Variants in C8orf34 observed in about 807,000 individuals in gnomAD.
The protein encoded by C8orf34 is chromosome 8 open reading frame 34, also known as uncharacterized protein C8orf34.
In C8orf34, 65 loss-of-function variants were observed where a neutral mutation model predicts 68.3. The ratio of observed to expected loss-of-function variants is 0.95; its 90% CI spans 0.78 to 1.17. The LOEUF is 1.17. Ranked by LOEUF, C8orf34 falls within the 50% of genes most tolerant of loss-of-function variation. The pLI, the probability that C8orf34 is intolerant of heterozygous loss-of-function variation, is 0.00. For synonymous variants in C8orf34, 244 were observed against 241.2 expected, an observed-to-expected ratio of 1.01 and a Z score of -0.11; for missense variants, 664 against 655.4, an observed-to-expected ratio of 1.01 and a Z score of -0.14.
intron 7 of C8orf34, among the ~76,000 whole-genome samples, chr8:68,640,045 G>C (rs1818958706): frequency 6.6e-6 from 1 of 152,182 alleles, no homozygotes; most frequent in Non-Finnish European, 1.5e-5. Flanking sequence ...TGACCATTTA[G>C]GGCTGATTGC....
At chr8:68,522,079 T>C in intron 6 of C8orf34, 108 bp downstream of exon 6, 1 of 1,003,004 alleles carries the variant, frequency 1.0e-6, no homozygotes, top group Non-Finnish European at 1.4e-6. Flanking sequence ...TAATTTTTTA[T>C]AGAAAATTAT....
intron 10 of C8orf34, among the ~76,000 whole-genome samples, chr8:68,756,546 T>A (rs934603434): frequency 1.3e-5 from 2 of 151,970 alleles, no homozygotes; most frequent in Non-Finnish European, 2.9e-5. Context: ...ACTTTAAGGA[T>A]GGAAAGGAGG....
intron 5 of C8orf34, among the ~76,000 whole-genome samples, chr8:68,518,633 C>T (rs1214511678): frequency 6.6e-6 from 1 of 152,062 alleles, no homozygotes; most frequent in Non-Finnish European, 1.5e-5. Flanking sequence ...TGCGGTGGTT[C>T]ATGAATGTAA....
At position 68,520,513 on chromosome 8, in the gene C8orf34, C is replaced by T. The variant is rs971853379; in HGVS notation, c.766-1286C>T. ...TTGCCCAGGCTGGAGTGCAGTGGCA[C>T]GATCTCGGCTCACTGCAAGCTCCAC... On this transcript the variant is annotated intron_variant, in intron 5 of 13. Coordinates refer to ENST00000518698, the MANE Select transcript of C8orf34 (RefSeq NM_052958.4). 5.9e-5 allele frequency among the ~76,000 whole-genome samples: 9 copies of T among 152,044 alleles called. No homozygotes were observed. The East Asian group carries it at 1.2e-3, about 20-fold the overall frequency.
intron 1 of C8orf34, among the ~76,000 whole-genome samples, chr8:68,391,279 A>G (rs1318367597): frequency 6.6e-6 from 1 of 152,180 alleles, no homozygotes; most frequent in East Asian, 1.9e-4. Flanking sequence ...ACAGTAACTT[A>G]CACAAGCCCA....
chr8:68,817,478 T>A (rs1391987542), intron 13 of C8orf34, among the ~76,000 whole-genome samples: 1 of 152,136 alleles, frequency 6.6e-6, no homozygotes, highest in African/African-American at 2.4e-5. Flanking sequence ...ATCAAATAAA[T>A]ATTTCCGAAG....
At chr8:68,398,862 C>G (rs1351691958) in intron 1 of C8orf34, among the ~76,000 whole-genome samples, 1 of 152,148 alleles carries the variant, frequency 6.6e-6, no homozygotes, top group East Asian at 1.9e-4. Context: ...CAGTGTCTTA[C>G]TCAGCAACTC....
intron 7 of C8orf34, among the ~76,000 whole-genome samples, chr8:68,546,081 G>A (rs10086254): frequency 0.57 from 86,802 of 151,688 alleles, 25,534 homozygotes; most frequent in African/African-American, 0.72. Flanking sequence ...GTTAAAAAAA[G>A]TACAAAGAGT....
chr8:68,743,789 C>CG (rs1239483445), intron 10 of C8orf34, among the ~76,000 whole-genome samples: 5 of 152,138 alleles, frequency 3.3e-5, no homozygotes, highest in African/African-American at 1.2e-4. Context: ...AACTGCAAGG[C>CG]GGCAGCAAGG....
intron 9 of C8orf34, among the ~76,000 whole-genome samples, chr8:68,720,656 C>T (rs937560275): frequency 1.3e-5 from 2 of 151,666 alleles, no homozygotes; most frequent in Admixed American, 6.6e-5. Flanking sequence ...CAACATTCTT[C>T]AGCACAGATT....
At chr8:68,574,960 T>C (rs1300003351) in intron 7 of C8orf34, among the ~76,000 whole-genome samples, 2 of 151,966 alleles carry the variant, frequency 1.3e-5, no homozygotes, top group Non-Finnish European at 2.9e-5. Context: ...CTTTCATATG[T>C]ATAGAAATAA....
chr8:68,600,271 A>T (rs553033244), intron 7 of C8orf34, among the ~76,000 whole-genome samples: 1 of 152,202 alleles, frequency 6.6e-6, no homozygotes, highest in East Asian at 1.9e-4. Context: ...TATCCTTTCA[A>T]CCTTTAAAAT....
Position 68,331,272 on chromosome 8 carries a change from T to A in C8orf34, c.260T>A (p.Met87Lys), listed in dbSNP as rs1351349857. ...TCTTCGCGGTCCCATCTGTTCCCCA[T>A]GGCGTCTCATCCGCAAACCCGGATC... is the stretch of plus-strand genomic sequence containing the variant. ...ALSSRSHLFP[M>K]ASHPQTRIQA... Residue 87 changes from methionine to lysine, a missense_variant, in exon 1 of 14, where the codon ATG becomes AAG. Transcript: ENST00000518698. The A allele has an allele frequency of 1.3e-6, 2 of 1,536,394 alleles. No individual in the cohort carries two copies. The highest frequency in any genetic ancestry group is 2.0e-5 in the Admixed American group (1 of 50,998).
chr8:68,644,923 G>A (rs1487810007), intron 8 of C8orf34, among the ~76,000 whole-genome samples: 1 of 152,178 alleles, frequency 6.6e-6, no homozygotes, highest in Non-Finnish European at 1.5e-5. Context: ...CAGATGAGAG[G>A]AGAATGCAGA....
At chr8:68,612,028 A>G (rs1818038576) in intron 7 of C8orf34, among the ~76,000 whole-genome samples, 1 of 152,124 alleles carries the variant, frequency 6.6e-6, no homozygotes, top group Non-Finnish European at 1.5e-5. Context: ...CAAACTTGTG[A>G]AAGATCACTT....
intron 10 of C8orf34, among the ~76,000 whole-genome samples, chr8:68,749,401 CAGAA>C (rs1345340489): frequency 5.3e-5 from 8 of 151,538 alleles, no homozygotes; most frequent in Admixed American, 2.0e-4. Flanking sequence ...AAAAAAAAGA[CAGAA>C]AGAAACACAG....
chr8:68,721,456 T>G lies in C8orf34; in HGVS notation c.1404+19T>G. 1 of 1,504,786 alleles carries G rather than the reference T, an allele frequency of 6.6e-7. No homozygotes were observed. The highest frequency in any genetic ancestry group is 9.2e-7 in the Non-Finnish European group (1 of 1,090,612). The allele number at this position is 1,504,786 out of a possible 1,614,324, so 93.2% of individuals were successfully genotyped here. Reference sequence around the variant, plus strand: ...AGGACCTGTAAGTATATTCATTGACTTATTTTTTTTAATTGCTAAAACTAA... The same window carrying G: ...AGGACCTGTAAGTATATTCATTGACGTATTTTTTTTAATTGCTAAAACTAA... On this transcript the variant is annotated intron_variant, in intron 10 of 13. Transcript: ENST00000518698.
intron 5 of C8orf34, among the ~76,000 whole-genome samples, chr8:68,507,432 T>G (rs1814074244): frequency 6.6e-6 from 1 of 151,884 alleles, no homozygotes; most frequent in Non-Finnish European, 1.5e-5. Flanking sequence ...AAAGGGGAGG[T>G]TCATACAAAC....
chr8:68,419,624 T>C (rs1325184423), intron 1 of C8orf34, among the ~76,000 whole-genome samples: 2 of 151,648 alleles, frequency 1.3e-5, no homozygotes, highest in East Asian at 3.9e-4. Context: ...GTGGCACATA[T>C]ACACCATGGA....
Sources: allele counts gnomAD v4.1 joint callset (sites outside exome capture counted in the v4.1 genomes callset), GRCh38; gene constraint gnomAD v4.1.1; transcripts MANE v1.5; gene names NCBI Gene and HGNC (gene_info 2026-07-23, HGNC 2026-07-21).